MICAL3: variants seen among roughly 807,000 people sequenced by gnomAD.
MICAL3 encodes [F-actin]-monooxygenase MICAL3.
MICAL3 carries 62 observed loss-of-function variants against 207.4 expected under a neutral mutation model. That is an observed-to-expected ratio of 0.30 (90% CI 0.24 to 0.37). MICAL3 has a LOEUF of 0.37. MICAL3 is among the 10% of genes least tolerant of loss of function. The probability of loss-of-function intolerance (pLI) is 1.00; values close to 1 mark genes in which losing one functional copy is unlikely to be tolerated. For missense variants in MICAL3, 2,368 were observed against 2,635.6 expected (o/e 0.90, Z 2.22); for synonymous variants, 1,077 against 1,069.3 (o/e 1.01, Z -0.14).
chr22:17,862,567 A>G, intron 19 of MICAL3: 1 of 985,246 alleles, frequency 1.0e-6, no homozygotes, highest in Non-Finnish European at 1.2e-6. Context: ...GCCACACCTG[A>G]GCTTTTCTGA....
At chr22:17,856,340 T>TGA (rs1221460729) in intron 19 of MICAL3, among the ~76,000 whole-genome samples, 1 of 152,204 alleles carries the variant, frequency 6.6e-6, no homozygotes, top group Non-Finnish European at 1.5e-5. Flanking sequence ...CATGGTCTTT[T>TGA]GAGCAGCATG....
chr22:17,996,134 T>TAAAA (rs35369164), intron 1 of MICAL3, among the ~76,000 whole-genome samples: 3 of 93,610 alleles, frequency 3.2e-5, no homozygotes, highest in African/African-American at 1.3e-4. Flanking sequence ...TGTCTCAATT[T>TAAAA]AAAAAAAAAA....
chr22:18,006,199 T>G (rs959414702), intron 1 of MICAL3: 1 of 152,242 alleles, frequency 6.6e-6, no homozygotes, highest in Non-Finnish European at 1.5e-5. Flanking sequence ...GTTATCCTGA[T>G]GGATCCGCAC....
chr22:17,866,287 A>G (rs1044800086), intron 17 of MICAL3, among the ~76,000 whole-genome samples: 15 of 152,236 alleles, frequency 9.9e-5, no homozygotes, highest in Non-Finnish European at 2.9e-5. Flanking sequence ...CAGAGCAAAG[A>G]TGTGAGGCCT....
chr22:17,865,885 C>T (rs750206088), intron 18 of MICAL3, 39 bp downstream of exon 18: 1 of 1,532,354 alleles, frequency 6.5e-7, no homozygotes, highest in South Asian at 1.1e-5. Flanking sequence ...GCTGCAACAC[C>T]CACTGCTTCT....
At chr22:17,795,918 G>A (rs1410021057) in intron 29 of MICAL3, among the ~76,000 whole-genome samples, 1 of 150,008 alleles carries the variant, frequency 6.7e-6, no homozygotes, top group African/African-American at 2.5e-5. Context: ...GGGGTTTATA[G>A]TAAATGCTTT....
At chr22:17,891,939 G>A (rs1324833722) in intron 11 of MICAL3, among the ~76,000 whole-genome samples, 3 of 152,208 alleles carry the variant, frequency 2.0e-5, no homozygotes, top group African/African-American at 4.8e-5. Context: ...TGAGGTGGAG[G>A]AGCGCCACCT....
At chr22:17,944,494 C>T (rs1933963082) in intron 1 of MICAL3, among the ~76,000 whole-genome samples, 1 of 152,158 alleles carries the variant, frequency 6.6e-6, no homozygotes, top group African/African-American at 2.4e-5. Flanking sequence ...AAGTCCCGAA[C>T]AATGAAGTCG....
In MICAL3 at chr22:17,894,056, T is replaced by C. The variant is rs73386381; in HGVS notation, c.1450-152A>G. Among the ~76,000 whole-genome samples, 561 of 152,290 alleles carry C rather than the reference T, an allele frequency of 3.7e-3. 4 individuals are homozygous for C. The highest frequency in any genetic ancestry group is 0.013 in the African/African-American group (541 of 41,560). Reference sequence around the variant, plus strand: ...AGGATGATGACCTTTAAATCTTTTATGAAATAAGGTGGGGTTTGAGAAAAA... The same window carrying C: ...AGGATGATGACCTTTAAATCTTTTACGAAATAAGGTGGGGTTTGAGAAAAA... On this transcript the variant is annotated intron_variant, in intron 10 of 31. Coordinates refer to ENST00000441493, the MANE Select transcript of MICAL3 (RefSeq NM_015241.3).
intron 27 of MICAL3, chr22:17,811,024 T>A: frequency 1.9e-6 from 1 of 533,122 alleles, no homozygotes; most frequent in Non-Finnish European, 3.4e-6. Flanking sequence ...GTCCCCAGCC[T>A]GCAGCAGCCC....
chr22:17,892,693 ACT>A (rs112863855), intron 11 of MICAL3, among the ~76,000 whole-genome samples: 87 of 152,276 alleles, frequency 5.7e-4, no homozygotes, highest in African/African-American at 2.0e-3. Context: ...ATAAAGATAC[ACT>A]CTCTGCTTTC....
At chr22:17,872,886 T>C (rs762587033) in intron 16 of MICAL3, 1 of 1,337,078 alleles carries the variant, frequency 7.5e-7, no homozygotes, top group Admixed American at 1.7e-5. Flanking sequence ...ATGACCAGAA[T>C]GAAGGGAAAT....
chr22:17,844,555 C>T (rs920558505), intron 19 of MICAL3, among the ~76,000 whole-genome samples: 7 of 152,132 alleles, frequency 4.6e-5, no homozygotes, highest in East Asian at 1.9e-4. Context: ...TAGCATCTTT[C>T]GAATTCACTA....
intron 29 of MICAL3, among the ~76,000 whole-genome samples, chr22:17,800,549 A>C (rs548062156): frequency 7.9e-4 from 120 of 152,232 alleles, no homozygotes; most frequent in African/African-American, 2.6e-3. Context: ...GAACTTTCAG[A>C]GCCTTTAGGT....
At chr22:17,929,372 G>C (rs1187691556) in intron 1 of MICAL3, among the ~76,000 whole-genome samples, 1 of 151,304 alleles carries the variant, frequency 6.6e-6, no homozygotes, top group Non-Finnish European at 1.5e-5. Context: ...CCAAGTGCTA[G>C]GATTAAGAGG....
chr22:17,827,842 T>C, intron 21 of MICAL3, 61 bp from the exon 22 acceptor site: 8 of 1,492,278 alleles, frequency 5.4e-6, no homozygotes, highest in Non-Finnish European at 7.2e-6. Flanking sequence ...TGAAATAGCA[T>C]GGGAAAGGAA....
At chr22:17,922,541 C>T (rs1357454359) in intron 1 of MICAL3, among the ~76,000 whole-genome samples, 2 of 152,132 alleles carry the variant, frequency 1.3e-5, no homozygotes, top group African/African-American at 4.8e-5. Flanking sequence ...GGATGATCCT[C>T]ACCTTTTTCA....
At chr22:17,903,328 T>G (rs1602186061) in intron 3 of MICAL3, among the ~76,000 whole-genome samples, 1 of 152,340 alleles carries the variant, frequency 6.6e-6, no homozygotes, top group East Asian at 1.9e-4. Flanking sequence ...CAATCTTGCT[T>G]ATTTTCATAG....
chr22:17,992,899 T>C (rs368845974), intron 1 of MICAL3, among the ~76,000 whole-genome samples: 9 of 152,136 alleles, frequency 5.9e-5, no homozygotes, highest in African/African-American at 2.2e-4. Context: ...GTGAAAGGAC[T>C]CTACCTGAAG....
Sources: allele counts gnomAD v4.1 joint callset (sites outside exome capture counted in the v4.1 genomes callset), GRCh38; gene constraint gnomAD v4.1.1; transcripts MANE v1.5; gene names NCBI Gene and HGNC (gene_info 2026-07-23, HGNC 2026-07-21).